Variants in JAK1 observed in about 807,000 individuals in gnomAD.
JAK1 encodes the protein Janus kinase 1.
JAK1 carries 16 observed loss-of-function variants against 136.6 expected under a neutral mutation model. The ratio of observed to expected loss-of-function variants is 0.12; its 90% CI spans 0.08 to 0.18. JAK1 has a LOEUF of 0.18. Ranked by LOEUF, JAK1 falls within the 10% of genes least tolerant of loss-of-function variation. JAK1 has a pLI of 1.00. For missense variants in JAK1, 859 were observed against 1,450.1 expected (o/e 0.59, Z 6.62); for synonymous variants, 492 against 519.5 (o/e 0.95, Z 0.72).
At chr1:64,937,797 A>C (rs749398678) in intron 1 of JAK1, among the ~76,000 whole-genome samples, 5 of 152,240 alleles carry the variant, frequency 3.3e-5, no homozygotes, top group Non-Finnish European at 7.3e-5. Flanking sequence ...GGAACAAGGA[A>C]ACCCAACCAT....
chr1:64,882,198 T>G (rs1031306686), intron 3 of JAK1, among the ~76,000 whole-genome samples: 2 of 152,132 alleles, frequency 1.3e-5, no homozygotes, highest in Admixed American at 6.5e-5. Context: ...TTCCTGAAAC[T>G]CTGGTGTGTG....
chr1:64,852,171 T>G (rs986655234), intron 11 of JAK1, among the ~76,000 whole-genome samples: 3 of 152,276 alleles, frequency 2.0e-5, no homozygotes, highest in African/African-American at 4.8e-5. Flanking sequence ...ATTATACACA[T>G]TAACTCCTTT....
intron 2 of JAK1, among the ~76,000 whole-genome samples, chr1:65,032,503 A>G (rs1647032265): frequency 6.6e-6 from 1 of 152,182 alleles, no homozygotes; most frequent in African/African-American, 2.4e-5. Context: ...CAATATATGC[A>G]AAACAACAAC....
At chr1:65,007,765 A>T (rs180846290) in intron 2 of JAK1, among the ~76,000 whole-genome samples, 26 of 134,854 alleles carry the variant, frequency 1.9e-4, no homozygotes, top group African/African-American at 6.6e-4. Flanking sequence ...TTTCTTTCTG[A>T]TACAGCGTTT....
chr1:65,011,496 C>T (rs552362950), intron 2 of JAK1, among the ~76,000 whole-genome samples: 1 of 152,188 alleles, frequency 6.6e-6, no homozygotes, highest in African/African-American at 2.4e-5. Flanking sequence ...AAAAAACCAG[C>T]TTCCGATATC....
At chr1:64,986,326 C>T (rs771647119) in intron 2 of JAK1, among the ~76,000 whole-genome samples, 2 of 151,966 alleles carry the variant, frequency 1.3e-5, no homozygotes, top group Non-Finnish European at 2.9e-5. Flanking sequence ...AGGCTGGTCT[C>T]GAACTCCTGA....
intron 2 of JAK1, chr1:64,973,186 A>AAAAAGAAAGAAAGAAAGAAAGG (rs1557737289): frequency 2.8e-5 from 4 of 142,496 alleles, no homozygotes; most frequent in East Asian, 2.0e-4. Flanking sequence ...AGAAAGAAAG[A>AAAAAGAAAGAAAGAAAGAAAGG]AAAAGAAAGA....
intron 1 of JAK1, among the ~76,000 whole-genome samples, chr1:64,921,331 C>T (rs1012142374): frequency 2.6e-5 from 4 of 152,178 alleles, no homozygotes; most frequent in East Asian, 1.9e-4. Flanking sequence ...AGTTAGTTGT[C>T]AAAAATATGA....
In JAK1 at chr1:64,839,073, G is replaced by A. The variant is rs960093531; in HGVS notation, c.2843-484C>T. 6.1e-5 allele frequency among the ~76,000 whole-genome samples: 9 copies of A among 148,396 alleles called. No homozygotes were observed. The East Asian group carries it at 9.9e-4, about 16-fold the overall frequency. ...AGGCAGGAGAATGGCGTGAACCCGG[G>A]AGGCGGAGCTTGCAGTGAGCCGAGA... On this transcript the variant is annotated intron_variant, in intron 20 of 24. Coordinates refer to ENST00000342505, the MANE Select transcript of JAK1 (RefSeq NM_002227.4).
intron 1 of JAK1, among the ~76,000 whole-genome samples, chr1:64,959,653 T>C (rs1471922695): frequency 2.0e-5 from 3 of 152,218 alleles, no homozygotes; most frequent in Non-Finnish European, 2.9e-5. Context: ...TGGATGGCAC[T>C]TTAAATTAAA....
At chr1:64,957,943 CAAA>C (rs11337629) in intron 1 of JAK1, among the ~76,000 whole-genome samples, 6 of 146,918 alleles carry the variant, frequency 4.1e-5, no homozygotes, top group Non-Finnish European at 6.0e-5. Context: ...GACTCCGTCT[CAAA>C]AAAAAAAAAA....
rs987084145 is a variant in JAK1 at position 64,844,012 on chromosome 1, C to A, written c.2403+52G>T. The A allele has an allele frequency of 3.7e-6, 6 of 1,603,704 alleles. No homozygotes were observed. The African/African-American group carries it at 4.0e-5, about 11-fold the overall frequency. The stretch of plus-strand genomic sequence containing the variant: ...CTTCCGACAACTCCTGGGAAGCCCA[C>A]GAGCACCTGAAAGCCCTCACTTGCC... On this transcript the variant is annotated intron_variant, in intron 17 of 24. Transcript: ENST00000342505. This position sits in a 1 kb window ranked among gnomAD's most constrained non-coding sequence, Gnocchi z 5.7.
intron 1 of JAK1, among the ~76,000 whole-genome samples, chr1:64,922,557 A>G (rs569581272): frequency 1.3e-5 from 2 of 152,272 alleles, no homozygotes; most frequent in African/African-American, 4.8e-5. Context: ...TCAAACATTT[A>G]GTATGATTTA....
At chr1:64,902,583 A>AGAGAGAGAGTGTGT in intron 1 of JAK1, among the ~76,000 whole-genome samples, 2,173 of 73,830 alleles carry the variant, frequency 0.029, 57 homozygotes, top group Middle Eastern at 0.074. Flanking sequence ...AGAGAGAGAG[A>AGAGAGAGAGTGTGT]GTGTGTGTGT....
At chr1:64,991,252 AT>A (rs1646654549) in intron 2 of JAK1, 1 of 152,210 alleles carries the variant, frequency 6.6e-6, no homozygotes, top group African/African-American at 2.4e-5. Flanking sequence ...CCATAACAAA[AT>A]ATAACAGACT....
At chr1:64,888,401 C>T (rs938874743) in intron 1 of JAK1, among the ~76,000 whole-genome samples, 3 of 152,128 alleles carry the variant, frequency 2.0e-5, no homozygotes, top group Admixed American at 2.0e-4. Context: ...AGGATGGTCT[C>T]GATCTCTTGA....
At chr1:64,970,951 TAC>T (rs1191486190), upstream of JAK1, among the ~76,000 whole-genome samples, 1 of 152,216 alleles carries the variant, frequency 6.6e-6, no homozygotes, top group Admixed American at 6.5e-5. Flanking sequence ...CCATCAATCA[TAC>T]ACACAGTTTC....
At chr1:64,917,573 A>G (rs1036403691) in intron 1 of JAK1, among the ~76,000 whole-genome samples, 4 of 152,186 alleles carry the variant, frequency 2.6e-5, no homozygotes, top group South Asian at 4.1e-4. Flanking sequence ...AGATCCCCGT[A>G]GACTGCATTG....
intron 1 of JAK1, among the ~76,000 whole-genome samples, chr1:64,950,127 A>C (rs1646056449): frequency 6.6e-6 from 1 of 152,082 alleles, no homozygotes; most frequent in East Asian, 1.9e-4. Context: ...TGTCAACATT[A>C]GGCCGGGCGC....
Sources: gnomAD v4.1 joint callset for allele counts (sites outside exome capture counted in the v4.1 genomes callset) on GRCh38, gnomAD v4.1.1 for gene constraint, Gnocchi (gnomAD v3.1) non-coding constraint, MANE v1.5 for transcripts, NCBI Gene and HGNC (gene_info 2026-07-23, HGNC 2026-07-21) for gene names.